Variants in LRBA observed in about 807,000 individuals in gnomAD.
LRBA encodes the protein LPS responsive beige-like anchor protein, also known as lipopolysaccharide-responsive and beige-like anchor protein.
A neutral mutation model predicts 330.0 loss-of-function variants in LRBA; 176 were observed. The observed-to-expected ratio is 0.53, with a 90% confidence interval of 0.47 to 0.60. The LOEUF (loss-of-function observed/expected upper bound fraction) is 0.60, where lower values mean the gene tolerates loss of function less well. Among genes scored for constraint, LRBA ranks in the 20% least tolerant of loss-of-function variants. LRBA has a pLI of 0.00. For synonymous variants in LRBA, 1,230 were observed against 1,193.0 expected (o/e 1.03, Z -0.64); for missense variants, 3,259 against 3,444.8 (o/e 0.95, Z 1.35).
chr4:150,467,708 G>A lies in LRBA; in HGVS notation c.6745C>T (p.Leu2249Phe). ...TCTCTGAAGTTGGTGGGCAAGGTAA[G>A]ATCCAGTTCTTCTGATTCATAATTA... is the stretch of plus-strand genomic sequence containing the variant. ...ITNYESEELD[L>F]TLPTNFRDLS... The change falls in exon 44 of 57, where the codon CTT (leucine) becomes TTT (phenylalanine). Residue 2249 changes from leucine (L) to phenylalanine (F), a missense_variant. Physicochemically the swap from Leu to Phe is conservative, Grantham distance 22 (BLOSUM62 0). Transcript: ENST00000651943. 1 of 1,608,086 alleles carries A rather than the reference G, an allele frequency of 6.2e-7. No individual in the cohort carries two copies. Among genetic ancestry groups the A allele is most frequent in the Non-Finnish European group, 8.5e-7 (1 of 1,175,806 alleles).
intron 30 of LRBA, 46 bp from the exon 31 acceptor site, chr4:150,817,303 T>G: frequency 2.0e-6 from 3 of 1,537,856 alleles, no homozygotes; most frequent in Non-Finnish European, 2.7e-6. Context: ...AATTGATCTC[T>G]TGAATTAATT....
At chr4:150,534,369 TAA>T (rs1372868499) in intron 40 of LRBA, among the ~76,000 whole-genome samples, 60 of 148,268 alleles carry the variant, frequency 4.0e-4, no homozygotes, top group South Asian at 2.5e-3. Context: ...ATAATAATAA[TAA>T]TAATAATTTT....
chr4:150,583,078 A>C lies in LRBA; in HGVS notation c.6330+4970T>G. 3 of 1,613,862 alleles carry C rather than the reference A, an allele frequency of 1.9e-6. No homozygotes were observed. The highest frequency in any genetic ancestry group is 2.2e-5 in the East Asian group (1 of 44,860). On this transcript the variant is annotated intron_variant, in intron 40 of 56. Transcript: ENST00000651943. The surrounding 1 kb of genome is among the most constrained non-coding windows in gnomAD (Gnocchi z 9.8). ...GGTTTACCAGCTCAATAAGTACTAC[A>C]CTGAGCGCTGTCAGGCGCGCAAGGC...
chr4:150,894,508 T>C (rs1192417542), intron 16 of LRBA, among the ~76,000 whole-genome samples: 8 of 152,206 alleles, frequency 5.3e-5, no homozygotes, highest in African/African-American at 1.9e-4. Flanking sequence ...TATACCAATA[T>C]GTATGCATAT....
intron 44 of LRBA, among the ~76,000 whole-genome samples, chr4:150,441,662 G>A (rs145573326): frequency 9.2e-5 from 14 of 151,902 alleles, no homozygotes; most frequent in African/African-American, 3.4e-4. Flanking sequence ...TAATAAATAG[G>A]TAATCTAGAT....
At chr4:150,451,514 T>G (rs1047118539) in intron 44 of LRBA, among the ~76,000 whole-genome samples, 2 of 151,962 alleles carry the variant, frequency 1.3e-5, no homozygotes, top group African/African-American at 4.8e-5. Context: ...GGGATGAAAA[T>G]AAAAACAATA....
chr4:150,597,739 A>C (rs1453050491), intron 38 of LRBA, among the ~76,000 whole-genome samples: 1 of 151,920 alleles, frequency 6.6e-6, no homozygotes, highest in Non-Finnish European at 1.5e-5. Flanking sequence ...AGAAAAAAAA[A>C]CCCTCTGAAA....
chr4:150,639,370 AAAGAAAAAAAAAAAC>A (rs1392795533), intron 37 of LRBA, among the ~76,000 whole-genome samples: 4 of 148,060 alleles, frequency 2.7e-5, no homozygotes, highest in East Asian at 2.0e-4. Context: ...TAAAAAAAAA[AAAGAAAAAAAAAAAC>A]AAAGAAAAAA....
intron 47 of LRBA, among the ~76,000 whole-genome samples, chr4:150,392,532 T>A (rs1744132605): frequency 6.6e-6 from 1 of 152,166 alleles, no homozygotes. Context: ...CCTCACATTG[T>A]TGGTAGGGCT....
intron 34 of LRBA, among the ~76,000 whole-genome samples, chr4:150,796,115 C>A (rs571913833): frequency 2.0e-4 from 31 of 152,014 alleles, no homozygotes; most frequent in African/African-American, 7.5e-4. Context: ...AAGATGGTAG[C>A]TTTTGCTTCC....
At chr4:150,354,724 G>GT (rs891007667) in intron 47 of LRBA, among the ~76,000 whole-genome samples, 13 of 151,510 alleles carry the variant, frequency 8.6e-5, no homozygotes, top group African/African-American at 2.9e-4. Flanking sequence ...GCTGATATCT[G>GT]TTTTTTTTAA....
At chr4:150,373,041 C>T (rs1050350223) in intron 47 of LRBA, among the ~76,000 whole-genome samples, 1 of 151,204 alleles carries the variant, frequency 6.6e-6, no homozygotes, top group African/African-American at 2.4e-5. Flanking sequence ...GTCAACAATG[C>T]GAGACATTTT....
rs533493584 is a variant in LRBA at position 150,552,632 on chromosome 4, C to A, written c.6330+35416G>T. The stretch of plus-strand genomic sequence containing the variant: ...GAACTAGAAATACCATTTGACCCAG[C>A]CATCCCATTACTGGGTATATAACCA... On this transcript the variant is annotated intron_variant, in intron 40 of 56. Coordinates refer to ENST00000651943, the MANE Select transcript of LRBA (RefSeq NM_001364905.1). 5.8e-4 allele frequency among the ~76,000 whole-genome samples: 88 copies of A among 152,216 alleles called. 1 individual carries two copies. Among genetic ancestry groups the A allele is most frequent in the Admixed American group, 5.7e-3 (87 of 15,300 alleles).
At chr4:150,984,031 T>C (rs1355764085) in intron 2 of LRBA, among the ~76,000 whole-genome samples, 20 of 152,218 alleles carry the variant, frequency 1.3e-4, no homozygotes. Flanking sequence ...CAATTTCCTC[T>C]ACTGCCCACC....
rs55682657 is a variant in LRBA at position 150,814,453 on chromosome 4, G to A, written c.5305+2671C>T. ...TCTTATCAAGGCAGTAATGTTCATG[G>A]CATCAATTAACGGAATAAAATAGAA... On this transcript the variant is annotated intron_variant, in intron 31 of 56. Coordinates refer to ENST00000651943, the MANE Select transcript of LRBA (RefSeq NM_001364905.1). 6.5e-3 allele frequency among the ~76,000 whole-genome samples: 988 copies of A among 151,956 alleles called. 9 individuals carry two copies. The highest frequency in any genetic ancestry group is 9.0e-3 in the Non-Finnish European group (609 of 67,890).
At chr4:150,580,257 T>G (rs1325338888) in intron 40 of LRBA, 2 of 151,930 alleles carry the variant, frequency 1.3e-5, no homozygotes, top group South Asian at 4.1e-4. Context: ...TTCTTCCTAA[T>G]CGCGGGAAGA....
At chr4:150,948,414 T>C (rs1736459460) in intron 2 of LRBA, among the ~76,000 whole-genome samples, 2 of 151,922 alleles carry the variant, frequency 1.3e-5, no homozygotes, top group Admixed American at 1.3e-4. Flanking sequence ...ACTGGAACAA[T>C]TACAAATGAA....
chr4:150,351,994 CACACATTTTCAG>C (rs1737252848), intron 47 of LRBA, among the ~76,000 whole-genome samples: 1 of 152,204 alleles, frequency 6.6e-6, no homozygotes, highest in African/African-American at 2.4e-5. Flanking sequence ...GTACTGTACT[CACACATTTTCAG>C]ACCTTGGTTA....
chr4:150,752,587 T>C (rs1480852303), intron 35 of LRBA, among the ~76,000 whole-genome samples: 1 of 152,134 alleles, frequency 6.6e-6, no homozygotes, highest in East Asian at 1.9e-4. Context: ...GAAGGCAGTA[T>C]CCTTGATCAG....
Sources: allele counts gnomAD v4.1 joint callset (sites outside exome capture counted in the v4.1 genomes callset), GRCh38; gene constraint gnomAD v4.1.1; non-coding constraint Gnocchi (gnomAD v3.1); transcripts MANE v1.5; gene names NCBI Gene and HGNC (gene_info 2026-07-23, HGNC 2026-07-21).